The following B4GALT6 variants were observed in gnomAD, a reference collection of about 807,000 sequenced individuals.
The protein encoded by B4GALT6 is UDP-Gal:beta-GlcNAc beta-1,4-galactosyltransferase 6.
Under a neutral mutation model 46.3 loss-of-function variants are expected in B4GALT6, and 14 were observed. The observed-to-expected ratio is 0.30, with a 90% CI of 0.20 to 0.47. B4GALT6 has a LOEUF of 0.47. B4GALT6 is among the 20% of genes least tolerant of loss of function. The pLI is 0.99. For synonymous variants in B4GALT6, 168 were observed against 162.0 expected (o/e 1.04, Z -0.28); for missense variants, 386 against 480.1 (o/e 0.80, Z 1.83).
chr18:31,654,297 C>T (rs1443431854), intron 3 of B4GALT6, among the ~76,000 whole-genome samples: 3 of 152,186 alleles, frequency 2.0e-5, no homozygotes, highest in African/African-American at 4.8e-5. Context: ...AAAATCAAAA[C>T]ATCCACACTA....
chr18:31,657,849 G>C (rs984710967), intron 3 of B4GALT6, 127 bp downstream of exon 3: 1 of 571,906 alleles, frequency 1.7e-6, no homozygotes, highest in Non-Finnish European at 3.0e-6. Context: ...CAAATAACAT[G>C]CTGCATAATA....
At chr18:31,626,157 A>G in intron 8 of B4GALT6, 126 bp downstream of exon 8, 1 of 554,866 alleles carries the variant, frequency 1.8e-6, no homozygotes, top group Non-Finnish European at 3.1e-6. Context: ...TTCAGCAAAA[A>G]ATACTTCCCT....
At chr18:31,646,699 T>C (rs1002345444) in intron 3 of B4GALT6, among the ~76,000 whole-genome samples, 3 of 152,206 alleles carry the variant, frequency 2.0e-5, no homozygotes, top group Admixed American at 6.5e-5. Flanking sequence ...AGTTCCTCTC[T>C]AGAGAGCCTC....
intron 4 of B4GALT6, among the ~76,000 whole-genome samples, chr18:31,644,740 A>G (rs2073971426): frequency 6.6e-6 from 1 of 152,306 alleles, no homozygotes; most frequent in South Asian, 2.1e-4. Context: ...CAGTTTTTCA[A>G]ACAAAACACT....
upstream of B4GALT6, among the ~76,000 whole-genome samples, chr18:31,688,116 T>G (rs1035375574): frequency 2.0e-4 from 31 of 151,956 alleles, no homozygotes; most frequent in African/African-American, 7.2e-4. Flanking sequence ...CATCTGAGAC[T>G]CAGCTAAAGA....
rs534512099 is a variant in B4GALT6 at position 31,684,285 on chromosome 18, G to T, written c.115+27C>A. ...TGCGCTGGCTGTGGTGTGACCAGGG[G>T]AAGCGAGGGTGTGTCTCGGTGCTTA... On this transcript the variant is annotated intron_variant, in intron 1 of 8. Transcript: ENST00000306851. 4.3e-6 allele frequency: 7 copies of T among 1,612,710 alleles called. No individual in the cohort carries two copies. In the East Asian group the frequency reaches 1.1e-4, roughly 26 times the overall value.
chr18:31,646,161 T>C (rs2073988428), intron 3 of B4GALT6, among the ~76,000 whole-genome samples: 1 of 152,244 alleles, frequency 6.6e-6, no homozygotes, highest in Non-Finnish European at 1.5e-5. Context: ...AAGTACTGAT[T>C]CTGAGCACTT....
At chr18:31,698,931 G>A in the B4GALT6 span, among the ~76,000 whole-genome samples, 1 of 152,016 alleles carries the variant, frequency 6.6e-6, no homozygotes, top group Non-Finnish European at 1.5e-5. Context: ...TTAGCCAGGT[G>A]TGGTGCACGC....
intron 1 of B4GALT6, among the ~76,000 whole-genome samples, chr18:31,683,123 CA>C (rs1567986482): frequency 6.6e-6 from 1 of 152,082 alleles, no homozygotes; most frequent in Non-Finnish European, 1.5e-5. Context: ...TCACTGAATC[CA>C]AAAATTAATT....
At chr18:31,654,490 T>C (rs543772048) in intron 3 of B4GALT6, among the ~76,000 whole-genome samples, 8 of 152,350 alleles carry the variant, frequency 5.3e-5, no homozygotes, top group Non-Finnish European at 1.0e-4. Context: ...CATATTAAAA[T>C]AGGCTTTATA....
chr18:31,706,144 GA>G, the B4GALT6 span, among the ~76,000 whole-genome samples: 1 of 151,520 alleles, frequency 6.6e-6, no homozygotes, highest in Non-Finnish European at 1.5e-5. Context: ...AACATTATAA[GA>G]AAAAAATACA....
chr18:31,635,342 T>C (rs1361497040), intron 5 of B4GALT6, among the ~76,000 whole-genome samples: 1 of 151,960 alleles, frequency 6.6e-6, no homozygotes, highest in Non-Finnish European at 1.5e-5. Flanking sequence ...CCTAGATCAG[T>C]AAAACTGATC....
intron 2 of B4GALT6, among the ~76,000 whole-genome samples, chr18:31,662,824 G>C (rs966534837): frequency 2.6e-5 from 4 of 151,992 alleles, no homozygotes; most frequent in Non-Finnish European, 4.4e-5. Flanking sequence ...CTGGGCGACA[G>C]AGCGAGACTC....
chr18:31,665,273 T>C (rs2074269588), intron 2 of B4GALT6, among the ~76,000 whole-genome samples: 1 of 152,218 alleles, frequency 6.6e-6, no homozygotes. Flanking sequence ...TAACACCTAA[T>C]AATACCCTGG....
chr18:31,678,658 T>C (rs1567984201), intron 1 of B4GALT6, among the ~76,000 whole-genome samples: 1 of 152,210 alleles, frequency 6.6e-6, no homozygotes, highest in Non-Finnish European at 1.5e-5. Context: ...CTAGCCCTAC[T>C]GGCAAGGGGT....
intron 3 of B4GALT6, among the ~76,000 whole-genome samples, chr18:31,649,451 G>C (rs1483804254): frequency 2.0e-5 from 3 of 151,858 alleles, no homozygotes; most frequent in Non-Finnish European, 2.9e-5. Context: ...GGCTCCATCA[G>C]GTGCTAAAAT....
At chr18:31,706,399 G>A in the B4GALT6 span, among the ~76,000 whole-genome samples, 1 of 152,126 alleles carries the variant, frequency 6.6e-6, no homozygotes, top group African/African-American at 2.4e-5. Context: ...GGGAGGCCGA[G>A]GCAGGCAGAT....
At chr18:31,684,249 G>T in intron 1 of B4GALT6, 63 bp downstream of exon 1, 1 of 1,603,806 alleles carries the variant, frequency 6.2e-7, no homozygotes, top group South Asian at 1.1e-5. Context: ...AAGTAACATC[G>T]GATAACAGCC....
intron 3 of B4GALT6, among the ~76,000 whole-genome samples, chr18:31,657,618 G>A (rs367956488): frequency 3.2e-4 from 49 of 152,024 alleles, no homozygotes; most frequent in African/African-American, 1.1e-3. Flanking sequence ...GGCTTAATCA[G>A]GAACATTATA....
Sources: allele counts gnomAD v4.1 joint callset (sites outside exome capture counted in the v4.1 genomes callset), GRCh38; gene constraint gnomAD v4.1.1; transcripts MANE v1.5; gene names NCBI Gene and HGNC (gene_info 2026-07-23, HGNC 2026-07-21).